The following COXFA4 variants were observed in gnomAD, a reference collection of about 807,000 sequenced individuals.
COXFA4 encodes cytochrome c oxidase subunit FA4.
chr7:10,937,290 G>GTTT, the COXFA4 span, among the ~76,000 whole-genome samples: 1 of 144,950 alleles, frequency 6.9e-6, no homozygotes. Context: ...GGTTTTTTGG[G>GTTT]TTTTTTTTTT....
the COXFA4 span, chr7:10,938,910 A>T: frequency 1.3e-6 from 2 of 1,590,110 alleles, no homozygotes; most frequent in Non-Finnish European, 1.7e-6. Flanking sequence ...AACCAAACAC[A>T]AAATAGAATA....
chr7:10,938,350 C>G, the COXFA4 span: 45 of 546,358 alleles, frequency 8.2e-5, no homozygotes, highest in African/African-American at 8.3e-4. Flanking sequence ...ACACAGAATC[C>G]CTATCACAAG....
the COXFA4 span, chr7:10,939,779 G>A: frequency 1.7e-6 from 1 of 598,330 alleles, no homozygotes; most frequent in Non-Finnish European, 3.0e-6. Flanking sequence ...AAAAAACTAG[G>A]TTTTTTTTCC....
chr7:10,937,984 A>G, the COXFA4 span: 21 of 898,012 alleles, frequency 2.3e-5, no homozygotes, highest in Non-Finnish European at 3.7e-5. Flanking sequence ...TTAAAGTTCA[A>G]TATAATGGAA....
chr7:10,936,594 G>A, the COXFA4 span, among the ~76,000 whole-genome samples: 2 of 152,126 alleles, frequency 1.3e-5, no homozygotes, highest in Admixed American at 1.3e-4. Context: ...CTTTTTAGAG[G>A]CAAAATATAA....
At chr7:10,933,620 T>G in the COXFA4 span, 5 of 1,601,328 alleles carry the variant, frequency 3.1e-6, no homozygotes, top group African/African-American at 4.0e-5. Flanking sequence ...AGCAGCGTTA[T>G]AGTGAAACAT....
chr7:10,939,353 T>C, the COXFA4 span: 1 of 193,626 alleles, frequency 5.2e-6, no homozygotes, highest in Non-Finnish European at 1.1e-5. Context: ...CTATTACAAA[T>C]ACTGGCTTTA....
At chr7:10,935,646 C>T in the COXFA4 span, among the ~76,000 whole-genome samples, 19 of 152,240 alleles carry the variant, frequency 1.2e-4, no homozygotes, top group African/African-American at 4.1e-4. Context: ...AGGGCTCACT[C>T]CTCTCCTTCC....
the COXFA4 span, chr7:10,938,703 A>G: frequency 1.2e-6 from 1 of 821,550 alleles, no homozygotes; most frequent in African/African-American, 1.7e-5. Context: ...ATGACTGTAA[A>G]TGTAACATTC....
At chr7:10,938,063 C>A in the COXFA4 span, 1 of 1,602,194 alleles carries the variant, frequency 6.2e-7, no homozygotes, top group South Asian at 1.1e-5. Flanking sequence ...CAATTTCTAA[C>A]AACTTTAAAA....
chr7:10,939,257 G>A, the COXFA4 span: 1 of 216,596 alleles, frequency 4.6e-6, no homozygotes. Context: ...TTTATCCTGG[G>A]GCTTGAAAAA....
the COXFA4 span, chr7:10,938,847 A>G: frequency 6.2e-7 from 1 of 1,613,840 alleles, no homozygotes; most frequent in East Asian, 2.2e-5. Context: ...CAAGAGATAC[A>G]GTGTTGCTCC....
chr7:10,938,949 C>G, the COXFA4 span: 1 of 1,340,946 alleles, frequency 7.5e-7, no homozygotes, highest in Non-Finnish European at 1.1e-6. Flanking sequence ...AAACACTGGC[C>G]AACGAGAGAT....
At chr7:10,938,451 T>C in the COXFA4 span, 1 of 437,782 alleles carries the variant, frequency 2.3e-6, no homozygotes, top group Non-Finnish European at 4.1e-6. Context: ...AATCAATCTT[T>C]TGATTGTCTA....
chr7:10,934,736 C>CA, the COXFA4 span, among the ~76,000 whole-genome samples: 816 of 151,798 alleles, frequency 5.4e-3, 8 homozygotes, highest in African/African-American at 0.019. Context: ...ATTTTACTGA[C>CA]AAAAAAAATC....
chr7:10,937,744 C>A, the COXFA4 span: 1 of 245,282 alleles, frequency 4.1e-6, no homozygotes, highest in Non-Finnish European at 7.9e-6. Context: ...CACAAAAGAC[C>A]AGCTGAATCA....
the COXFA4 span, chr7:10,939,192 T>A: frequency 3.1e-6 from 1 of 326,030 alleles, no homozygotes; most frequent in Non-Finnish European, 5.9e-6. Flanking sequence ...ATGTATCGAG[T>A]CTTCTTCACC....
chr7:10,938,737 C>T, the COXFA4 span: 1 of 1,049,586 alleles, frequency 9.5e-7, no homozygotes, highest in East Asian at 2.4e-5. Flanking sequence ...AATGTTATCG[C>T]CCTACAGAGA....
At chr7:10,939,412 G>A in the COXFA4 span, 1 of 178,718 alleles carries the variant, frequency 5.6e-6, no homozygotes, top group African/African-American at 2.4e-5. Context: ...TGCGTATTTA[G>A]GGAACCGGAT....
Sources: allele counts gnomAD v4.1 joint callset (sites outside exome capture counted in the v4.1 genomes callset), GRCh38; gene constraint gnomAD v4.1.1; transcripts MANE v1.5; gene names NCBI Gene and HGNC (gene_info 2026-07-23, HGNC 2026-07-21).